CDK12: variants seen among roughly 807,000 people sequenced by gnomAD.
CDK12 encodes the protein cyclin dependent kinase 12, also known as cyclin-dependent kinase 12.
Under a neutral mutation model 133.8 loss-of-function variants are expected in CDK12, and 17 were observed. The ratio of observed to expected loss-of-function variants is 0.13; its 90% CI spans 0.09 to 0.19. The LOEUF is 0.19. Ranked by LOEUF, CDK12 falls within the 10% of genes least tolerant of loss-of-function variation. CDK12 has a pLI of 1.00. For synonymous variants in CDK12, 694 were observed against 683.6 expected, an observed-to-expected ratio of 1.02 and a Z score of -0.24; for missense variants, 1,508 against 1,818.7, an observed-to-expected ratio of 0.83 and a Z score of 3.11.
chr17:39,487,607 A>G (rs1163777507), intron 2 of CDK12, among the ~76,000 whole-genome samples: 4 of 96,350 alleles, frequency 4.2e-5, no homozygotes, highest in Admixed American at 1.2e-4. Flanking sequence ...GCATGACACA[A>G]TTTTTTTTTT....
At chr17:39,478,997 A>C (rs2050425538) in intron 2 of CDK12, among the ~76,000 whole-genome samples, 1 of 152,088 alleles carries the variant, frequency 6.6e-6, no homozygotes, top group Admixed American at 6.6e-5. Flanking sequence ...TAATTTTTAC[A>C]TAGGAAAGCT....
chr17:39,557,546 GA>G (rs1264251424), intron 3 of CDK12, among the ~76,000 whole-genome samples: 1 of 152,190 alleles, frequency 6.6e-6, no homozygotes, highest in East Asian at 1.9e-4. Context: ...ACTGGAAACA[GA>G]AGAGAGGAAA....
At chr17:39,548,631 C>G (rs905192262), upstream of CDK12, among the ~76,000 whole-genome samples, 8 of 152,236 alleles carry the variant, frequency 5.3e-5, no homozygotes, top group African/African-American at 1.7e-4. Context: ...TGGATGTTTG[C>G]AGCCTCAGTG....
chr17:39,501,323 T>C lies in CDK12; in HGVS notation c.2493T>C (p.Phe831=), dbSNP rs1286297679. The C allele has an allele frequency of 6.2e-7, 1 of 1,613,876 alleles. No individual in the cohort carries two copies. The highest frequency in any genetic ancestry group is 1.7e-5 in the Admixed American group (1 of 59,976). The part of the protein sequence containing the change: ...MGLLESGLVH[F]SEDHIKSFMK... ...TGCTAGAATCTGGTTTGGTGCACTT[T>C]TCTGAGGACCATATCAAGTCGTTCA... The change falls in exon 6 of 14, where the codon TTT becomes TTC. Residue 831 remains phenylalanine, a synonymous_variant. Transcript: ENST00000447079.
intron 2 of CDK12, among the ~76,000 whole-genome samples, chr17:39,483,127 G>C (rs941629802): frequency 2.0e-5 from 3 of 151,852 alleles, no homozygotes; most frequent in Non-Finnish European, 4.4e-5. Context: ...TGGTCAGGCT[G>C]GTCTCGAACT....
downstream of CDK12, among the ~76,000 whole-genome samples, chr17:39,538,904 AATAC>A (rs199620122): frequency 0.026 from 3,779 of 144,896 alleles, 103 homozygotes; most frequent in African/African-American, 0.072. Flanking sequence ...ATCTCAAATA[AATAC>A]ATACATACAT....
At position 39,468,811 on chromosome 17, in the gene CDK12, ATTT is replaced by A. The variant is rs1157272468; in HGVS notation, c.1047-2067_1047-2065del. Among the ~76,000 whole-genome samples the A allele has an allele frequency of 3.3e-3, 489 of 149,254 alleles. 4 individuals carry two copies. In the Middle Eastern group the frequency reaches 0.052, roughly 16 times the overall value. On this transcript the variant is annotated intron_variant, in intron 1 of 13. Transcript: ENST00000447079. ...TTTATTTTAATTAATTAATTAATTTATTTATTTATTTATTTATTTTGAGACAGA... is the reference window on the plus strand; with the variant it reads ...TTTATTTTAATTAATTAATTAATTTAATTTATTTATTTATTTTGAGACAGA...
intron 6 of CDK12, among the ~76,000 whole-genome samples, chr17:39,503,005 GGAGGTA>G (rs2052834206): frequency 6.6e-6 from 1 of 152,128 alleles, no homozygotes; most frequent in Non-Finnish European, 1.5e-5. Flanking sequence ...CTTGAACCCA[GGAGGTA>G]GAGGTTACAG....
chr17:39,498,078 A>G (rs1598056547), intron 5 of CDK12, among the ~76,000 whole-genome samples: 1 of 151,000 alleles, frequency 6.6e-6, no homozygotes, highest in Non-Finnish European at 1.5e-5. Context: ...ATCACAGCTC[A>G]CTGTAACTGA....
chr17:39,565,615 G>C (rs2056546709), downstream of CDK12, among the ~76,000 whole-genome samples: 1 of 151,660 alleles, frequency 6.6e-6, no homozygotes, highest in Non-Finnish European at 1.5e-5. Context: ...TGTATTTTTA[G>C]TAGAGATGAG....
intron 4 of CDK12, among the ~76,000 whole-genome samples, chr17:39,493,152 C>T (rs946636317): frequency 1.5e-4 from 22 of 144,850 alleles, no homozygotes; most frequent in Non-Finnish European, 3.0e-5. Context: ...CGCAACCACA[C>T]TCGACTAATT....
rs2051623776 is a variant in CDK12 at position 39,491,759 on chromosome 17, C to T, written c.2109-992C>T. Among the ~76,000 whole-genome samples the T allele has an allele frequency of 2.7e-5, 4 of 148,552 alleles. No individual in the cohort carries two copies. In the South Asian group the frequency reaches 6.4e-4, roughly 24 times the overall value. ...CCTCTGTCACCCAGGCTGGAGGCAC[C>T]TGCCACCATGCCTGGCTGTGTGTTT... On this transcript the variant is annotated intron_variant, in intron 3 of 13. Coordinates refer to ENST00000447079, the MANE Select transcript of CDK12 (RefSeq NM_016507.4).
At chr17:39,542,901 A>G (rs2055498637), upstream of CDK12, among the ~76,000 whole-genome samples, 1 of 152,242 alleles carries the variant, frequency 6.6e-6, no homozygotes, top group Non-Finnish European at 1.5e-5. Context: ...GATGGCAGCC[A>G]CAGCCAAAGA....
At chr17:39,511,943 C>G (rs561150413) in intron 8 of CDK12, among the ~76,000 whole-genome samples, 19 of 152,154 alleles carry the variant, frequency 1.2e-4, no homozygotes, top group Non-Finnish European at 2.5e-4. Context: ...TTCTGTGTTA[C>G]CTAATTTTGA....
Position 39,462,179 on chromosome 17 carries a change from C to G in CDK12, c.108C>G (p.His36Gln), listed in dbSNP as rs987591285. Reference protein sequence around the residue: ...GGGSSNSRERHRLVSKHKRHK... With the variant: ...GGGSSNSRERQRLVSKHKRHK... ...GCAGCTCTAACAGCAGAGAGCGTCA[C>G]CGCTTGGTATCGAAGCACAAGCGGC... is the stretch of plus-strand genomic sequence containing the variant. Residue 36 changes from histidine to glutamine, a missense_variant, in exon 1 of 14, where the codon CAC (histidine) becomes CAG (glutamine). Physicochemically the swap from His to Gln is conservative, Grantham distance 24 (BLOSUM62 0). This residue lies in a region of CDK12 where 460 missense variants were observed against 490.8 expected (regional missense o/e 0.94). Coordinates refer to ENST00000447079, the MANE Select transcript of CDK12 (RefSeq NM_016507.4). The G allele has an allele frequency of 1.2e-6, 2 of 1,614,108 alleles. No homozygotes were observed. The highest frequency in any genetic ancestry group is 1.7e-6 in the Non-Finnish European group (2 of 1,180,042).
At chr17:39,543,202 C>G (rs1346580505), upstream of CDK12, among the ~76,000 whole-genome samples, 1 of 152,180 alleles carries the variant, frequency 6.6e-6, no homozygotes, top group Non-Finnish European at 1.5e-5. Flanking sequence ...CTTCTCCTCT[C>G]CTTTATTTTA....
chr17:39,473,035 C>T lies in CDK12; in HGVS notation c.1931+1272C>T, dbSNP rs117899706. On this transcript the variant is annotated intron_variant, in intron 2 of 13. Transcript: ENST00000447079. ...AGGTTGCAGTAAGTCGAAATCGCGCCGCTGTACTCCAGTCTGGGCGATAGA... is the reference window on the plus strand; with the variant it reads ...AGGTTGCAGTAAGTCGAAATCGCGCTGCTGTACTCCAGTCTGGGCGATAGA... Among the ~76,000 whole-genome samples the T allele has an allele frequency of 6.8e-3, 1,026 of 151,720 alleles. 11 individuals are homozygous for T. Among genetic ancestry groups the T allele is most frequent in the Non-Finnish European group, 8.3e-3 (565 of 67,926 alleles).
rs553866014 is a variant in CDK12 at position 39,495,948 on chromosome 17, C to G, written c.2419+1254C>G. Among the ~76,000 whole-genome samples, 3 of 151,942 alleles carry G rather than the reference C, an allele frequency of 2.0e-5. No homozygotes were observed. The South Asian group carries it at 6.2e-4, about 32-fold the overall frequency. On this transcript the variant is annotated intron_variant, in intron 5 of 13. Coordinates refer to ENST00000447079, the MANE Select transcript of CDK12 (RefSeq NM_016507.4). Reference sequence around the variant, plus strand: ...TTTTTTTGAGACAGAGTCTTACTCTCTCACCCAGGCTGGAGTGCATTGGCT... The same window carrying G: ...TTTTTTTGAGACAGAGTCTTACTCTGTCACCCAGGCTGGAGTGCATTGGCT...
At chr17:39,467,569 A>G (rs988489008) in intron 1 of CDK12, among the ~76,000 whole-genome samples, 5 of 152,174 alleles carry the variant, frequency 3.3e-5, no homozygotes, top group Non-Finnish European at 7.3e-5. Flanking sequence ...AAATCTGTTA[A>G]CAGTAGGCTT....
Sources: allele counts gnomAD v4.1 joint callset (sites outside exome capture counted in the v4.1 genomes callset), GRCh38; gene constraint gnomAD v4.1.1; regional missense constraint gnomAD v4.1.1; transcripts MANE v1.5; gene names NCBI Gene and HGNC (gene_info 2026-07-23, HGNC 2026-07-21).